Variants in EFR3B observed in about 807,000 individuals in gnomAD.
EFR3B encodes the protein EFR3 homolog B.
In EFR3B, 64 loss-of-function variants were observed where a neutral mutation model predicts 104.7. The observed-to-expected ratio is 0.61, with a 90% CI of 0.50 to 0.75. EFR3B has a LOEUF of 0.75. Ranked by LOEUF, EFR3B falls within the 30% of genes least tolerant of loss-of-function variation. The probability of loss-of-function intolerance (pLI) is 0.00; values close to 1 mark genes in which losing one functional copy is unlikely to be tolerated. For missense variants in EFR3B, 750 were observed against 1,078.5 expected, an observed-to-expected ratio of 0.70 and a Z score of 4.27; for synonymous variants, 385 against 417.9, an observed-to-expected ratio of 0.92 and a Z score of 0.96.
rs536586076 is a variant in EFR3B, at chr2:25,079,860, T to C, written c.8-11465T>C. 544 of 934,098 alleles carry C rather than the reference T, an allele frequency of 5.8e-4. 2 individuals carry two copies. The highest frequency in any genetic ancestry group is 1.1e-4 in the Non-Finnish European group (61 of 569,392). The allele number at this position is 934,098 out of a possible 1,614,324, so 57.9% of individuals were successfully genotyped here. ...CAGAACACAGTATCCTTAATGATTATAGCACATTTAACACCTTCAGCCATC... is the reference window on the plus strand; with the variant it reads ...CAGAACACAGTATCCTTAATGATTACAGCACATTTAACACCTTCAGCCATC... On this transcript the variant is annotated intron_variant, in intron 1 of 22. Coordinates refer to ENST00000403714, the MANE Select transcript of EFR3B (RefSeq NM_014971.2).
rs927570294 is a variant in EFR3B, at chr2:25,067,104, A to G, written c.8-24221A>G. Among the ~76,000 whole-genome samples, 49 of 152,344 alleles carry G rather than the reference A, an allele frequency of 3.2e-4. 1 individual carries two copies. The highest frequency in any genetic ancestry group is 6.6e-4 in the Non-Finnish European group (45 of 68,040). On this transcript the variant is annotated intron_variant, in intron 1 of 22. Coordinates refer to ENST00000403714, the MANE Select transcript of EFR3B (RefSeq NM_014971.2). ...GCCATTAGCCACATGTGGCTAGTGA[A>G]CACATAAAATGTGGCTAGTTTGCTG...
chr2:25,043,359 C>T (rs868095783), intron 1 of EFR3B, among the ~76,000 whole-genome samples: 3 of 152,192 alleles, frequency 2.0e-5, no homozygotes, highest in Non-Finnish European at 2.9e-5. Context: ...CAATTTAACC[C>T]ATCACTGAGG....
intron 21 of EFR3B, among the ~76,000 whole-genome samples, chr2:25,153,081 C>T (rs1671058690): frequency 6.6e-6 from 1 of 152,190 alleles, no homozygotes; most frequent in African/African-American, 2.4e-5. Flanking sequence ...AGGCTGGGCA[C>T]AGTGGCTCAT....
intron 1 of EFR3B, among the ~76,000 whole-genome samples, chr2:25,073,323 A>G (rs927322270): frequency 4.6e-5 from 7 of 151,982 alleles, no homozygotes. Flanking sequence ...TATGCTATAA[A>G]ATACAAAACT....
At chr2:25,110,712 C>T (rs1266226306) in intron 4 of EFR3B, among the ~76,000 whole-genome samples, 1 of 152,202 alleles carries the variant, frequency 6.6e-6, no homozygotes, top group Non-Finnish European at 1.5e-5. Flanking sequence ...AAATTACGTT[C>T]TCCTGCATAA....
rs1003215687 is a variant in EFR3B, at chr2:25,054,430, T to C, written c.7+12111T>C. 9.9e-5 allele frequency among the ~76,000 whole-genome samples: 15 copies of C among 152,064 alleles called. 1 individual carries two copies. Among genetic ancestry groups the C allele is most frequent in the Admixed American group, 6.6e-4 (10 of 15,260 alleles). On this transcript the variant is annotated intron_variant, in intron 1 of 22. Transcript: ENST00000403714. Reference sequence around the variant, plus strand: ...TCTGCCTCCCAGGTTCAAGCGATTCTCCTGCCCCAGCCTCCCAAGTAGCTG... The same window carrying C: ...TCTGCCTCCCAGGTTCAAGCGATTCCCCTGCCCCAGCCTCCCAAGTAGCTG...
chr2:25,137,665 T>C lies in EFR3B; in HGVS notation c.1722+163T>C, dbSNP rs1294617798. Among the ~76,000 whole-genome samples, 1 of 152,216 alleles carries C rather than the reference T, an allele frequency of 6.6e-6. No homozygotes were observed. The highest frequency in any genetic ancestry group is 1.5e-5 in the Non-Finnish European group (1 of 68,038). On this transcript the variant is annotated intron_variant, in intron 15 of 22. Coordinates refer to ENST00000403714, the MANE Select transcript of EFR3B (RefSeq NM_014971.2). This position sits in a 1 kb window ranked among gnomAD's most constrained non-coding sequence, Gnocchi z 4.7. ...ACGCCTCCCTGAAGACCCCAAACCA[T>C]GGTCCTGTTTGGGGAACCCCAAAGA...
chr2:25,137,199 G>A lies in EFR3B; in HGVS notation c.1561-142G>A, dbSNP rs1670538638. On this transcript the variant is annotated intron_variant, in intron 14 of 22. Transcript: ENST00000403714. This position sits in a 1 kb window ranked among gnomAD's most constrained non-coding sequence, Gnocchi z 4.7. Reference sequence around the variant, plus strand: ...TGTGTGTCTGCTTCTGCCAGAGCCCGCTTTAAAGGCATCCCCTCCCCAAGG... The same window carrying A: ...TGTGTGTCTGCTTCTGCCAGAGCCCACTTTAAAGGCATCCCCTCCCCAAGG... 16 of 924,940 alleles carry A rather than the reference G, an allele frequency of 1.7e-5. No individual in the cohort carries two copies. The highest frequency in any genetic ancestry group is 1.5e-4 in the Admixed American group (6 of 39,192). The allele number at this position is 924,940 out of a possible 1,614,324, so 57.3% of individuals were successfully genotyped here.
chr2:25,125,942 AC>A (rs1670156681), intron 5 of EFR3B, among the ~76,000 whole-genome samples: 1 of 152,232 alleles, frequency 6.6e-6, no homozygotes, highest in Non-Finnish European at 1.5e-5. Context: ...TCAAAAAAAA[AC>A]GAAGTTAAAA....
At chr2:25,128,818 C>T (rs915889411) in intron 6 of EFR3B, among the ~76,000 whole-genome samples, 8 of 151,744 alleles carry the variant, frequency 5.3e-5, no homozygotes, top group African/African-American at 1.9e-4. Flanking sequence ...AAAAAATTAG[C>T]TGAGCGTGGT....
At chr2:25,087,201 TG>T (rs1668976625) in intron 1 of EFR3B, among the ~76,000 whole-genome samples, 1 of 152,112 alleles carries the variant, frequency 6.6e-6, no homozygotes, top group Non-Finnish European at 1.5e-5. Flanking sequence ...TGAGGGTAAC[TG>T]TCCCCATGAT....
At chr2:25,059,063 C>T (rs757988881) in intron 1 of EFR3B, among the ~76,000 whole-genome samples, 17 of 151,784 alleles carry the variant, frequency 1.1e-4, no homozygotes, top group East Asian at 9.7e-4. Flanking sequence ...GACAGACAAA[C>T]GGATAAACAA....
At chr2:25,100,163 C>T (rs1669391349) in intron 3 of EFR3B, among the ~76,000 whole-genome samples, 1 of 152,062 alleles carries the variant, frequency 6.6e-6, no homozygotes, top group Non-Finnish European at 1.5e-5. Context: ...GAGATTGCGC[C>T]ATTGCACTCC....
At chr2:25,153,833 C>G in intron 22 of EFR3B, 72 bp downstream of exon 22, 1 of 1,437,666 alleles carries the variant, frequency 7.0e-7, no homozygotes, top group South Asian at 1.2e-5. Flanking sequence ...CCTGAGTCCT[C>G]TCACCCCTGT....
intron 3 of EFR3B, among the ~76,000 whole-genome samples, chr2:25,101,688 C>T (rs1669435820): frequency 6.6e-6 from 1 of 152,118 alleles, no homozygotes; most frequent in Non-Finnish European, 1.5e-5. Context: ...GTCATGTGGT[C>T]TCACCTCACA....
intron 4 of EFR3B, among the ~76,000 whole-genome samples, chr2:25,108,772 G>T (rs1204213067): frequency 6.6e-6 from 1 of 151,578 alleles, no homozygotes; most frequent in African/African-American, 2.4e-5. Flanking sequence ...GCCGAGGTGG[G>T]TGGATCGCTT....
intron 19 of EFR3B, chr2:25,146,504 A>G (rs1022243006): frequency 1.3e-5 from 2 of 152,248 alleles, no homozygotes; most frequent in African/African-American, 2.4e-5. Context: ...GGAACCTCCA[A>G]TGCGTTAGGC....
At chr2:25,144,008 T>C in intron 18 of EFR3B, 146 bp downstream of exon 18, 1 of 1,228,160 alleles carries the variant, frequency 8.1e-7, no homozygotes, top group Non-Finnish European at 1.1e-6. Flanking sequence ...TGGAAATTTA[T>C]GGTGAGGTCC....
At chr2:25,079,976 C>T (rs1668745566) in intron 1 of EFR3B, 18 of 1,108,004 alleles carry the variant, frequency 1.6e-5, no homozygotes, top group African/African-American at 1.1e-4. Flanking sequence ...GCCTTCTGAA[C>T]GTTCTAGCAG....
Sources: gnomAD v4.1 joint callset for allele counts (sites outside exome capture counted in the v4.1 genomes callset) on GRCh38, gnomAD v4.1.1 for gene constraint, Gnocchi (gnomAD v3.1) non-coding constraint, MANE v1.5 for transcripts, NCBI Gene and HGNC (gene_info 2026-07-23, HGNC 2026-07-21) for gene names.